HMGCLL1: variants seen among roughly 807,000 people sequenced by gnomAD.
HMGCLL1 encodes 3-hydroxymethyl-3-methylglutaryl-CoA lyase, cytoplasmic.
A neutral mutation model predicts 39.1 loss-of-function variants in HMGCLL1; 36 were observed. That is an observed-to-expected ratio of 0.92 (90% CI 0.71 to 1.22). The LOEUF (loss-of-function observed/expected upper bound fraction) is 1.22. Among genes scored for constraint, HMGCLL1 ranks in the 50% most tolerant of loss-of-function variants. The pLI, the probability that HMGCLL1 is intolerant of heterozygous loss-of-function variation, is 0.00. For missense variants in HMGCLL1, 451 were observed against 416.5 expected (o/e 1.08, Z -0.72); for synonymous variants, 149 against 144.0 (o/e 1.03, Z -0.25).
At chr6:55,609,519 C>G in the HMGCLL1 span, among the ~76,000 whole-genome samples, 1 of 152,110 alleles carries the variant, frequency 6.6e-6, no homozygotes, top group Non-Finnish European at 1.5e-5. Flanking sequence ...GGACAGAACT[C>G]TGATCTCCCT....
At chr6:55,561,192 C>T (rs1207032658) in intron 1 of HMGCLL1, among the ~76,000 whole-genome samples, 4 of 151,930 alleles carry the variant, frequency 2.6e-5, no homozygotes, top group African/African-American at 9.7e-5. Flanking sequence ...TTATTTCTTC[C>T]CAGAAGATTC....
At chr6:55,454,398 C>A (rs1037545137) in intron 7 of HMGCLL1, among the ~76,000 whole-genome samples, 81 of 152,160 alleles carry the variant, frequency 5.3e-4, no homozygotes, top group African/African-American at 1.9e-3. Flanking sequence ...ATCCAGCTGA[C>A]AGAGGTAACA....
At chr6:55,439,681 C>A in intron 7 of HMGCLL1, 122 bp from the exon 8 acceptor site, 1 of 1,061,244 alleles carries the variant, frequency 9.4e-7, no homozygotes, top group South Asian at 1.7e-5. Context: ...CAAATATATT[C>A]ACTTACCCAG....
intron 1 of HMGCLL1, among the ~76,000 whole-genome samples, chr6:55,546,805 C>T (rs1770003096): frequency 6.6e-6 from 1 of 152,010 alleles, no homozygotes; most frequent in South Asian, 2.1e-4. Flanking sequence ...CATTACAGAG[C>T]TCAGTATATC....
chr6:55,645,463 C>A, the HMGCLL1 span, among the ~76,000 whole-genome samples: 1 of 151,942 alleles, frequency 6.6e-6, no homozygotes, highest in Non-Finnish European at 1.5e-5. Flanking sequence ...AAGTGGGCAT[C>A]CTTGTCACAT....
At chr6:55,650,096 T>TATATATATATATACACACATATAC in the HMGCLL1 span, among the ~76,000 whole-genome samples, 3 of 16,990 alleles carry the variant, frequency 1.8e-4, no homozygotes, top group African/African-American at 8.7e-4. Flanking sequence ...TATACATATA[T>TATATATATATATACACACATATAC]ATATATATAT....
At chr6:55,451,646 T>G (rs548658595) in intron 7 of HMGCLL1, among the ~76,000 whole-genome samples, 1 of 152,306 alleles carries the variant, frequency 6.6e-6, no homozygotes, top group South Asian at 2.1e-4. Context: ...ACTTAGAACT[T>G]AGGCCTTTCT....
chr6:55,593,896 A>G, the HMGCLL1 span, among the ~76,000 whole-genome samples: 1 of 152,194 alleles, frequency 6.6e-6, no homozygotes, highest in African/African-American at 2.4e-5. Flanking sequence ...TTACTTGACT[A>G]AAGTCACAAT....
intron 4 of HMGCLL1, among the ~76,000 whole-genome samples, chr6:55,515,081 C>T (rs6928578): frequency 0.29 from 43,310 of 151,754 alleles, 7,429 homozygotes; most frequent in Non-Finnish European, 0.37. Flanking sequence ...GGTGAAACCC[C>T]GTCTCTACTA....
chr6:55,635,161 A>C, the HMGCLL1 span, among the ~76,000 whole-genome samples: 1 of 152,138 alleles, frequency 6.6e-6, no homozygotes, highest in Admixed American at 6.6e-5. Flanking sequence ...ACAGAAAAAA[A>C]AAATCATATG....
chr6:55,503,223 A>G (rs1766985845), intron 5 of HMGCLL1, among the ~76,000 whole-genome samples: 1 of 151,840 alleles, frequency 6.6e-6, no homozygotes. Flanking sequence ...TTTCCACAAT[A>G]CTCATGTGTC....
chr6:55,520,277 TAAAAG>T (rs1173354059), intron 3 of HMGCLL1, among the ~76,000 whole-genome samples: 4 of 118,816 alleles, frequency 3.4e-5, no homozygotes, highest in African/African-American at 1.2e-4. Context: ...AATAAATAAA[TAAAAG>T]AAAAAAAAGG....
At chr6:55,458,987 T>G (rs1274330014) in intron 7 of HMGCLL1, among the ~76,000 whole-genome samples, 5 of 152,174 alleles carry the variant, frequency 3.3e-5, no homozygotes, top group Admixed American at 1.3e-4. Flanking sequence ...CTCCTGTATT[T>G]TATAACAGAA....
chr6:55,474,341 G>C (rs1465611936), intron 7 of HMGCLL1, among the ~76,000 whole-genome samples: 1 of 151,330 alleles, frequency 6.6e-6, no homozygotes, highest in Non-Finnish European at 1.5e-5. Context: ...TTGCATTTCA[G>C]TTTTATGAAG....
intron 5 of HMGCLL1, among the ~76,000 whole-genome samples, chr6:55,510,745 A>G (rs971936149): frequency 1.3e-5 from 2 of 151,302 alleles, no homozygotes; most frequent in African/African-American, 4.8e-5. Context: ...TACATATGTA[A>G]CTAACCTGCA....
intron 1 of HMGCLL1, among the ~76,000 whole-genome samples, chr6:55,560,552 C>A (rs763292115): frequency 6.6e-6 from 1 of 152,120 alleles, no homozygotes; most frequent in South Asian, 2.1e-4. Context: ...TATATATACA[C>A]CTTCAGTGCT....
chr6:55,443,298 A>C (rs761493695), intron 7 of HMGCLL1, among the ~76,000 whole-genome samples: 7 of 152,176 alleles, frequency 4.6e-5, no homozygotes, highest in Non-Finnish European at 8.8e-5. Context: ...AAAAAAGTAT[A>C]AAGTAGCAAA....
chr6:55,545,136 A>C (rs2127460841), intron 1 of HMGCLL1, among the ~76,000 whole-genome samples: 1 of 152,074 alleles, frequency 6.6e-6, no homozygotes, highest in Middle Eastern at 3.4e-3. Flanking sequence ...TTGTTTCTTG[A>C]AACTGCATTT....
In HMGCLL1 at chr6:55,579,101, A is replaced by T. The variant is rs1322370849; in HGVS notation, c.-46T>A. 7.0e-7 allele frequency: 1 copy of T among 1,426,528 alleles called. No homozygotes were observed. Among genetic ancestry groups the T allele is most frequent in the East Asian group, 2.4e-5 (1 of 41,286 alleles). 88.4% of individuals were successfully genotyped at this position (1,426,528 alleles called of 1,614,324 possible). A position where few individuals can be genotyped will look rare whatever the true frequency, so the allele number is the denominator to read the frequency against. On this transcript the variant is annotated 5_prime_UTR_variant, in exon 1 of 9. Coordinates refer to ENST00000274901, the MANE Select transcript of HMGCLL1 (RefSeq NM_001042406.2). The stretch of plus-strand genomic sequence containing the variant: ...TCGGCGAGGGGAGGGAGACTGGAGG[A>T]GGATGAGGGGCGGGCACCGCGCTGG...
Sources: gnomAD v4.1 joint callset for allele counts (sites outside exome capture counted in the v4.1 genomes callset) on GRCh38, gnomAD v4.1.1 for gene constraint, MANE v1.5 for transcripts, NCBI Gene and HGNC (gene_info 2026-07-23, HGNC 2026-07-21) for gene names.